TMEM65: variants seen among roughly 807,000 people sequenced by gnomAD.
TMEM65 encodes transmembrane protein 65.
A neutral mutation model predicts 25.4 loss-of-function variants in TMEM65; 22 were observed. The ratio of observed to expected loss-of-function variants is 0.86; its 90% confidence interval spans 0.62 to 1.23. The LOEUF (loss-of-function observed/expected upper bound fraction) is 1.23, where lower values mean the gene tolerates loss of function less well. TMEM65 is among the 50% of genes most tolerant of loss of function. TMEM65 has a pLI of 0.00. For synonymous variants in TMEM65, 132 were observed against 126.2 expected, an observed-to-expected ratio of 1.05 and a Z score of -0.31; for missense variants, 262 against 308.2, an observed-to-expected ratio of 0.85 and a Z score of 1.12.
intron 1 of TMEM65, among the ~76,000 whole-genome samples, chr8:124,343,368 C>A (rs1184691594): frequency 6.6e-6 from 1 of 152,086 alleles, no homozygotes; most frequent in Non-Finnish European, 1.5e-5. Flanking sequence ...GGTTTAAATG[C>A]AAGATGCCAA....
chr8:124,350,953 T>C (rs1293649175), intron 1 of TMEM65: 2 of 984,174 alleles, frequency 2.0e-6, no homozygotes, highest in African/African-American at 1.7e-5. Context: ...ACAGAAAAAT[T>C]AGGCAGTCTA....
intron 1 of TMEM65, among the ~76,000 whole-genome samples, chr8:124,354,127 T>C (rs1814746290): frequency 6.6e-6 from 1 of 152,070 alleles, no homozygotes; most frequent in South Asian, 2.1e-4. Context: ...AAAGACGTGC[T>C]ACAAAAAACC....
At chr8:124,330,901 G>T in intron 1 of TMEM65, 109 bp from the exon 2 acceptor site, 1 of 1,024,784 alleles carries the variant, frequency 9.8e-7, no homozygotes, top group Non-Finnish European at 1.4e-6. Context: ...GAATATCAGA[G>T]TTTATTCATA....
At chr8:124,321,810 T>C (rs1398003698) in intron 5 of TMEM65, among the ~76,000 whole-genome samples, 1 of 152,164 alleles carries the variant, frequency 6.6e-6, no homozygotes, top group Non-Finnish European at 1.5e-5. Flanking sequence ...ATGGTAAATT[T>C]AGAATAAACT....
chr8:124,351,052 G>A (rs1227319662), intron 1 of TMEM65: 2 of 984,974 alleles, frequency 2.0e-6, no homozygotes, highest in Non-Finnish European at 2.4e-6. Context: ...GCTATCAGGG[G>A]TCTCTGCTGA....
Position 124,372,442 on chromosome 8 carries a change from T to C in TMEM65, c.-285A>G, listed in dbSNP as rs1815032947. The C allele has an allele frequency of 6.3e-6, 1 of 159,168 alleles. No individual in the cohort carries two copies. Among genetic ancestry groups the C allele is most frequent in the African/African-American group, 2.4e-5 (1 of 41,164 alleles). 9.9% of individuals were successfully genotyped at this position (159,168 alleles called of 1,614,324 possible). A position where few individuals can be genotyped will look rare whatever the true frequency, so the allele number is the denominator to read the frequency against. ...GCGCCCGGAGAGGGCGGGCGGTCGG[T>C]GCGGGCGGGCGCCTCCCGGCTGAGG... On this transcript the variant is annotated 5_prime_UTR_variant, in exon 1 of 7. Transcript: ENST00000297632.
At position 124,371,544 on chromosome 8, in the gene TMEM65, T is replaced by A. The variant is rs532399990; in HGVS notation, c.304+310A>T. On this transcript the variant is annotated intron_variant, in intron 1 of 6. Coordinates refer to ENST00000297632, the MANE Select transcript of TMEM65 (RefSeq NM_194291.3). Reference sequence around the variant, plus strand: ...GGGGAGGCACGGGGCAAATCAAAACTCAATCCCAACAGCGTTAACTGGCAT... The same window carrying A: ...GGGGAGGCACGGGGCAAATCAAAACACAATCCCAACAGCGTTAACTGGCAT... Among the ~76,000 whole-genome samples, 267 of 152,324 alleles carry A rather than the reference T, an allele frequency of 1.8e-3. 1 individual carries two copies. The highest frequency in any genetic ancestry group is 6.3e-3 in the African/African-American group (261 of 41,572).
chr8:124,320,061 A>T, intron 6 of TMEM65, 25 bp downstream of exon 6: 1 of 1,581,542 alleles, frequency 6.3e-7, no homozygotes, highest in East Asian at 2.2e-5. Context: ...CCAACTCATT[A>T]TCATAAACCA....
chr8:124,348,787 G>A (rs574604303), intron 1 of TMEM65, among the ~76,000 whole-genome samples: 1 of 152,206 alleles, frequency 6.6e-6, no homozygotes, highest in Admixed American at 6.5e-5. Context: ...TTCTTTCACA[G>A]AATGTTGAAG....
At chr8:124,346,742 G>A (rs1338796901) in intron 1 of TMEM65, among the ~76,000 whole-genome samples, 1 of 152,100 alleles carries the variant, frequency 6.6e-6, no homozygotes, top group Admixed American at 6.6e-5. Context: ...CAAAAGTGCA[G>A]GAAGTAGACA....
chr8:124,363,410 A>T (rs1814896992), intron 1 of TMEM65, among the ~76,000 whole-genome samples: 1 of 152,214 alleles, frequency 6.6e-6, no homozygotes, highest in African/African-American at 2.4e-5. Flanking sequence ...CCACAGAAAT[A>T]ACCAAATTTT....
At chr8:124,314,118 C>A in intron 6 of TMEM65, 57 bp from the exon 7 acceptor site, 3 of 1,422,758 alleles carry the variant, frequency 2.1e-6, no homozygotes, top group Admixed American at 3.7e-5. Context: ...AACAAGAAGG[C>A]AGAGAAAAAA....
chr8:124,309,379 G>T lies in TMEM65; in HGVS notation c.*4581C>A, dbSNP rs1814129371. 6.6e-6 allele frequency: 1 copy of T among 152,022 alleles called. No homozygotes were observed. The highest frequency in any genetic ancestry group is 6.6e-5 in the Admixed American group (1 of 15,266). The allele number at this position is 152,022 out of a possible 1,614,324, so 9.4% of individuals were successfully genotyped here. ...ATCTACAGACTTTTTTGAATTCTAG[G>T]GTTGCTTCCCCACACTTCTGTGCCA... On this transcript the variant is annotated 3_prime_UTR_variant, in exon 7 of 7. Coordinates refer to ENST00000297632, the MANE Select transcript of TMEM65 (RefSeq NM_194291.3).
chr8:124,367,266 G>A (rs575186067), intron 1 of TMEM65, among the ~76,000 whole-genome samples: 1 of 152,214 alleles, frequency 6.6e-6, no homozygotes, highest in African/African-American at 2.4e-5. Flanking sequence ...CTGAGGTCAG[G>A]AGTTCGAGAT....
Position 124,309,567 on chromosome 8 carries a change from C to G in TMEM65, c.*4393G>C. 1 of 152,168 alleles carries G rather than the reference C, an allele frequency of 6.6e-6. No homozygotes were observed. Among genetic ancestry groups the G allele is most frequent in the Admixed American group, 6.5e-5 (1 of 15,280 alleles). The allele number at this position is 152,168 out of a possible 1,614,324, so 9.4% of individuals were successfully genotyped here. On this transcript the variant is annotated 3_prime_UTR_variant, in exon 7 of 7. Coordinates refer to ENST00000297632, the MANE Select transcript of TMEM65 (RefSeq NM_194291.3). Reference sequence around the variant, plus strand: ...ACATATTTCACATATCTGAGATTTTCTTAACACCAACTTTCTAGTACCTAG... The same window carrying G: ...ACATATTTCACATATCTGAGATTTTGTTAACACCAACTTTCTAGTACCTAG...
chr8:124,359,869 T>C (rs1017200669), intron 1 of TMEM65, among the ~76,000 whole-genome samples: 1 of 152,202 alleles, frequency 6.6e-6, no homozygotes, highest in African/African-American at 2.4e-5. Flanking sequence ...AAGAAAGCTA[T>C]CCTAGATAAA....
intron 1 of TMEM65, among the ~76,000 whole-genome samples, chr8:124,355,972 T>C (rs1026583874): frequency 6.6e-6 from 1 of 152,022 alleles, no homozygotes; most frequent in Admixed American, 6.5e-5. Context: ...TCACACCAGA[T>C]ACACACAAAA....
Position 124,306,454 on chromosome 8 carries a change from G to C in TMEM65, c.*7506C>G, listed in dbSNP as rs1333887850. On this transcript the variant is annotated 3_prime_UTR_variant, in exon 7 of 7. Transcript: ENST00000297632. ...TCAAACACGGGTTTGAACTGCATAG[G>C]ACCGCTTATATGCATATTTTGATAA... 6.6e-6 allele frequency: 1 copy of C among 152,082 alleles called. No individual in the cohort carries two copies. Among genetic ancestry groups the C allele is most frequent in the Non-Finnish European group, 1.5e-5 (1 of 68,066 alleles). 9.4% of individuals were successfully genotyped at this position (152,082 alleles called of 1,614,324 possible).
intron 6 of TMEM65, among the ~76,000 whole-genome samples, chr8:124,318,633 C>T (rs1349575981): frequency 6.6e-6 from 1 of 152,070 alleles, no homozygotes; most frequent in African/African-American, 2.4e-5. Flanking sequence ...GCCTCGGCCT[C>T]CCAAAGTGCT....
Sources: gnomAD v4.1 joint callset for allele counts (sites outside exome capture counted in the v4.1 genomes callset) on GRCh38, gnomAD v4.1.1 for gene constraint, MANE v1.5 for transcripts, NCBI Gene and HGNC (gene_info 2026-07-23, HGNC 2026-07-21) for gene names.